The following GFRAL variants were observed in gnomAD, a reference collection of about 807,000 sequenced individuals.
The protein encoded by GFRAL is GDNF family receptor alpha like.
GFRAL carries 36 observed loss-of-function variants against 45.4 expected under a neutral mutation model. The ratio of observed to expected loss-of-function variants is 0.79; its 90% CI spans 0.61 to 1.05. GFRAL has a LOEUF of 1.05. Ranked by LOEUF, GFRAL falls within the 50% of genes least tolerant of loss-of-function variation. GFRAL has a pLI of 0.00. For missense variants in GFRAL, 507 were observed against 467.5 expected (o/e 1.08, Z -0.78); for synonymous variants, 166 against 154.1 (o/e 1.08, Z -0.57).
rs529017609 is a variant in GFRAL at position 55,369,564 on chromosome 6, GCAATTGTTTTTA to G, written c.952+10429_952+10440del. Among the ~76,000 whole-genome samples, 142 of 151,570 alleles carry G rather than the reference GCAATTGTTTTTA, an allele frequency of 9.4e-4. 2 individuals are homozygous for G. In the East Asian group the frequency reaches 0.024, roughly 25 times the overall value. ...GTTAATGTGGATATTTTGTTTGAAT[GCAATTGTTTTTA>G]CAGACATTGCTGCAATAAATGTTAT... On this transcript the variant is annotated intron_variant, in intron 6 of 8. Coordinates refer to ENST00000340465, the MANE Select transcript of GFRAL (RefSeq NM_207410.2).
chr6:55,384,305 C>A (rs899583219), intron 6 of GFRAL, among the ~76,000 whole-genome samples: 1 of 133,396 alleles, frequency 7.5e-6, no homozygotes, highest in Non-Finnish European at 1.6e-5. Flanking sequence ...TATCCCCACA[C>A]AATAAAACAT....
chr6:55,358,500 T>G (rs1484749769), intron 5 of GFRAL, among the ~76,000 whole-genome samples: 1 of 151,972 alleles, frequency 6.6e-6, no homozygotes, highest in Non-Finnish European at 1.5e-5. Flanking sequence ...ATACCTTACT[T>G]GAAATCACTT....
At chr6:55,391,393 C>T (rs1354205837) in intron 6 of GFRAL, among the ~76,000 whole-genome samples, 2 of 152,136 alleles carry the variant, frequency 1.3e-5, no homozygotes, top group Non-Finnish European at 2.9e-5. Flanking sequence ...CTATTTCAAA[C>T]TCTCTTCACA....
In GFRAL at chr6:55,401,910, C is replaced by T; in HGVS notation, c.*57C>T. 1 of 900,894 alleles carries T rather than the reference C, an allele frequency of 1.1e-6. No homozygotes were observed. The highest frequency in any genetic ancestry group is 1.8e-6 in the Non-Finnish European group (1 of 540,754). 55.8% of individuals were successfully genotyped at this position (900,894 alleles called of 1,614,324 possible). ...CTCTTTTCTCTGCTTTTCTTCTTTCCTCTTTTCTTCTCTCCTCTCCTCTCC... is the reference window on the plus strand; with the variant it reads ...CTCTTTTCTCTGCTTTTCTTCTTTCTTCTTTTCTTCTCTCCTCTCCTCTCC... On this transcript the variant is annotated 3_prime_UTR_variant, in exon 9 of 9. Transcript: ENST00000340465.
intron 5 of GFRAL, among the ~76,000 whole-genome samples, chr6:55,352,401 T>C (rs1205412579): frequency 6.6e-6 from 1 of 152,100 alleles, no homozygotes; most frequent in East Asian, 1.9e-4. Flanking sequence ...TCTGGTCTTA[T>C]CTGGGCTGTC....
intron 3 of GFRAL, among the ~76,000 whole-genome samples, chr6:55,346,459 G>C (rs369968042): frequency 6.6e-6 from 1 of 151,828 alleles, no homozygotes; most frequent in Non-Finnish European, 1.5e-5. Flanking sequence ...ACCAAACACC[G>C]CATATTGTCA....
intron 6 of GFRAL, among the ~76,000 whole-genome samples, chr6:55,395,174 AAATAT>A (rs1768806623): frequency 8.0e-6 from 1 of 124,816 alleles, no homozygotes; most frequent in African/African-American, 3.2e-5. Context: ...AAAAAAAAAA[AAATAT>A]ATATATATAT....
chr6:55,336,570 A>T (rs1767893887), intron 3 of GFRAL, among the ~76,000 whole-genome samples: 1 of 152,130 alleles, frequency 6.6e-6, no homozygotes, highest in Admixed American at 6.5e-5. Flanking sequence ...AATACAATTA[A>T]TTTTTCTATA....
At chr6:55,390,895 TACACACACACACACACACACACACACAC>T (rs34769114) in intron 6 of GFRAL, among the ~76,000 whole-genome samples, 1 of 135,556 alleles carries the variant, frequency 7.4e-6, no homozygotes. Context: ...CTCACACACA[TACACACACACACACACACACACACACAC>T]ACACACACAC....
chr6:55,355,391 TA>T (rs1425380966), intron 5 of GFRAL, among the ~76,000 whole-genome samples: 2 of 152,064 alleles, frequency 1.3e-5, no homozygotes, highest in Middle Eastern at 3.2e-3. Context: ...TGAATGGCTA[TA>T]GAGTATGCCA....
intron 6 of GFRAL, among the ~76,000 whole-genome samples, chr6:55,373,134 C>A (rs979888347): frequency 8.6e-4 from 129 of 150,442 alleles, no homozygotes; most frequent in Admixed American, 8.5e-3. Flanking sequence ...AATGGGAGAA[C>A]AATAACACAC....
intron 6 of GFRAL, among the ~76,000 whole-genome samples, chr6:55,376,269 A>G (rs768090018): frequency 6.6e-5 from 10 of 152,080 alleles, no homozygotes; most frequent in Non-Finnish European, 4.4e-5. Context: ...CCAATATTTA[A>G]TTGAAGATTT....
Position 55,351,545 on chromosome 6 carries a change from C to T in GFRAL, c.663C>T (p.Leu221=), listed in dbSNP as rs1229967331. 1.2e-6 allele frequency: 2 copies of T among 1,601,466 alleles called. No individual in the cohort carries two copies. Among genetic ancestry groups the T allele is most frequent in the South Asian group, 1.1e-5 (1 of 90,780 alleles). ...AVNMVPPPTC[L]SVIRSCQNDE... ...ACATGGTTCCACCCCCTACTTGCCT[C>T]AGTGTAATTCGCAGCTGCCAAAATG... Residue 221 remains leucine, a synonymous_variant, in exon 5 of 9, where the codon CTC becomes CTT. Transcript: ENST00000340465.
At chr6:55,385,316 G>T (rs963609591) in intron 6 of GFRAL, among the ~76,000 whole-genome samples, 11 of 152,030 alleles carry the variant, frequency 7.2e-5, no homozygotes, top group Non-Finnish European at 1.2e-4. Context: ...CTTAAAAATG[G>T]AGATTTAATA....
chr6:55,395,453 A>G (rs1768812626), intron 6 of GFRAL, among the ~76,000 whole-genome samples: 1 of 151,954 alleles, frequency 6.6e-6, no homozygotes, highest in South Asian at 2.1e-4. Context: ...CTTGTGTAAT[A>G]TAATTCAAGG....
chr6:55,346,557 G>A (rs544288545), intron 3 of GFRAL, among the ~76,000 whole-genome samples: 1 of 152,066 alleles, frequency 6.6e-6, no homozygotes, highest in East Asian at 1.9e-4. Flanking sequence ...TGGTAGGAGG[G>A]GGGAGGGATA....
rs374653588 is a variant in GFRAL, at chr6:55,327,561, G to C, written c.7G>C (p.Val3Leu). ...CTGCCGTGAGTTGTCCAGCATGATAGTGTTTATTTTCTTGGGTAAGTGAAT... is the reference window on the plus strand; with the variant it reads ...CTGCCGTGAGTTGTCCAGCATGATACTGTTTATTTTCTTGGGTAAGTGAAT... MIVFIFLAMGLSL... is the reference protein window; with the variant it reads MILFIFLAMGLSL... The change falls in exon 1 of 9, where the codon GTG (valine) becomes CTG (leucine). Residue 3 changes from valine to leucine, a missense_variant. Val to Leu is a conservative substitution (Grantham distance 32, BLOSUM62 1). Transcript: ENST00000340465. 3.1e-6 allele frequency: 5 copies of C among 1,612,752 alleles called. No homozygotes were observed. The highest frequency in any genetic ancestry group is 1.1e-5 in the South Asian group (1 of 91,024).
intron 6 of GFRAL, among the ~76,000 whole-genome samples, chr6:55,364,456 G>A (rs2127358777): frequency 6.9e-6 from 1 of 145,888 alleles, no homozygotes; most frequent in African/African-American, 2.6e-5. Context: ...GATCCCATTT[G>A]TCAATTTTGT....
chr6:55,337,045 T>C (rs1767899332), intron 3 of GFRAL, among the ~76,000 whole-genome samples: 1 of 152,258 alleles, frequency 6.6e-6, no homozygotes, highest in South Asian at 2.1e-4. Context: ...TTTTAAAATA[T>C]ATAGTAAATT....
Sources: allele counts gnomAD v4.1 joint callset (sites outside exome capture counted in the v4.1 genomes callset), GRCh38; gene constraint gnomAD v4.1.1; transcripts MANE v1.5; gene names NCBI Gene and HGNC (gene_info 2026-07-23, HGNC 2026-07-21).